The following XPO6 variants were observed in gnomAD, a reference collection of about 807,000 sequenced individuals.
XPO6 encodes exportin 6, also known as exportin-6.
A neutral mutation model predicts 130.0 loss-of-function variants in XPO6; 3 were observed. The ratio of observed to expected loss-of-function variants is 0.02; its 90% confidence interval spans 0.01 to 0.06. XPO6 has a LOEUF of 0.06. XPO6 is among the 10% of genes least tolerant of loss of function. The pLI, the probability that XPO6 is intolerant of heterozygous loss-of-function variation, is 1.00. For missense variants in XPO6, 970 were observed against 1,393.0 expected (o/e 0.70, Z 4.83); for synonymous variants, 524 against 548.9 (o/e 0.95, Z 0.63).
At chr16:28,168,182 G>A (rs1055059508) in intron 5 of XPO6, among the ~76,000 whole-genome samples, 1 of 152,104 alleles carries the variant, frequency 6.6e-6, no homozygotes, top group East Asian at 1.9e-4. Context: ...TTTAGTTGGG[G>A]TGTCAAAAAA....
chr16:28,194,308 C>A (rs541565425), intron 1 of XPO6, among the ~76,000 whole-genome samples: 1 of 152,184 alleles, frequency 6.6e-6, no homozygotes, highest in South Asian at 2.1e-4. Context: ...TGCCAAATGC[C>A]TTTTCACTTT....
Position 28,177,347 on chromosome 16 carries a change from T to C in XPO6, c.95-15A>G, listed in dbSNP as rs764051186. On this transcript the variant is annotated splice_polypyrimidine_tract_variant and intron_variant, in intron 2 of 23. Coordinates refer to ENST00000304658, the MANE Select transcript of XPO6 (RefSeq NM_015171.4). ...AAGAAGCTCCTCTGGAAAAGTTAAA[T>C]GGCAACAAAAGAAAGCTATGAAAAT... The C allele has an allele frequency of 2.9e-5, 44 of 1,537,240 alleles. No homozygotes were observed. Among genetic ancestry groups the C allele is most frequent in the Non-Finnish European group, 3.8e-5 (42 of 1,116,914 alleles).
intron 14 of XPO6, among the ~76,000 whole-genome samples, 175 bp downstream of exon 14, chr16:28,121,495 G>A (rs992870250): frequency 3.3e-5 from 5 of 152,006 alleles, no homozygotes; most frequent in Admixed American, 2.0e-4. Flanking sequence ...TTCTCCAACC[G>A]CCTCTGCCCC....
rs969339366 is a variant in XPO6, at chr16:28,165,890, T to C, written c.643+618A>G. Among the ~76,000 whole-genome samples the C allele has an allele frequency of 1.1e-4, 16 of 152,342 alleles. No homozygotes were observed. In the East Asian group the frequency reaches 1.9e-3, roughly 18 times the overall value. ...TCCTCTTTCCATCCATCCTTGAAAG[T>C]AGTCATCTTTAGAAGAACTACACTC... On this transcript the variant is annotated intron_variant, in intron 6 of 23. Coordinates refer to ENST00000304658, the MANE Select transcript of XPO6 (RefSeq NM_015171.4).
intron 1 of XPO6, among the ~76,000 whole-genome samples, chr16:28,189,875 C>T (rs1429530126): frequency 1.3e-5 from 2 of 152,194 alleles, no homozygotes; most frequent in Admixed American, 1.3e-4. Flanking sequence ...CTAAAACTAC[C>T]ATAAAGTTGA....
intron 6 of XPO6, among the ~76,000 whole-genome samples, chr16:28,164,260 TCTAGAAAACTGATAC>T (rs1252547646): frequency 1.3e-5 from 2 of 152,210 alleles, no homozygotes; most frequent in Non-Finnish European, 2.9e-5. Context: ...ACAAATTTTC[TCTAGAAAACTGATAC>T]GGTCAAGAAA....
intron 21 of XPO6, among the ~76,000 whole-genome samples, chr16:28,103,118 C>T (rs189545256): frequency 3.7e-4 from 57 of 152,308 alleles, no homozygotes; most frequent in African/African-American, 1.2e-3. Context: ...ACAACCAAGA[C>T]AGGACACTTC....
chr16:28,155,945 C>G, intron 7 of XPO6, 129 bp downstream of exon 7: 1 of 1,444,098 alleles, frequency 6.9e-7, no homozygotes, highest in South Asian at 1.5e-5. Context: ...CACACACCTA[C>G]CTTTCTGTTC....
chr16:28,132,407 A>G lies in XPO6; in HGVS notation c.1537-4T>C, dbSNP rs1194520561. 5 of 1,590,586 alleles carry G rather than the reference A, an allele frequency of 3.1e-6. No homozygotes were observed. Among genetic ancestry groups the G allele is most frequent in the Non-Finnish European group, 4.3e-6 (5 of 1,168,940 alleles). ...AATTGTCCTGAAGAACAGGGAACTG[A>G]AAACAAAGAAACAAAAACAACAAAA... On this transcript the variant is annotated splice_region_variant and splice_polypyrimidine_tract_variant and intron_variant, in intron 11 of 23. Transcript: ENST00000304658. The surrounding 1 kb of genome is among the most constrained non-coding windows in gnomAD (Gnocchi z 4.0).
intron 17 of XPO6, among the ~76,000 whole-genome samples, chr16:28,110,297 T>A (rs1005217068): frequency 6.6e-6 from 1 of 152,202 alleles, no homozygotes; most frequent in African/African-American, 2.4e-5. Context: ...GCCCTCTGAG[T>A]TAAGCCAAGG....
chr16:28,160,954 T>C (rs1239531702), intron 6 of XPO6, among the ~76,000 whole-genome samples: 2 of 152,226 alleles, frequency 1.3e-5, no homozygotes, highest in African/African-American at 2.4e-5. Flanking sequence ...ATCTCTTTAG[T>C]GGCTGGTTTA....
At chr16:28,201,052 C>A (rs1208866175) in intron 1 of XPO6, among the ~76,000 whole-genome samples, 1 of 152,058 alleles carries the variant, frequency 6.6e-6, no homozygotes, top group Non-Finnish European at 1.5e-5. Flanking sequence ...TCACCCACTC[C>A]CACTCCTCAT....
chr16:28,207,244 T>A (rs1187188666), intron 1 of XPO6, among the ~76,000 whole-genome samples: 1 of 142,710 alleles, frequency 7.0e-6, no homozygotes, highest in African/African-American at 2.7e-5. Context: ...CAAGATGCCA[T>A]CTCAAAAAAA....
intron 9 of XPO6, 26 bp downstream of exon 9, chr16:28,146,068 T>C: frequency 6.4e-7 from 1 of 1,553,850 alleles, no homozygotes; most frequent in Non-Finnish European, 8.9e-7. Flanking sequence ...TGACCATATC[T>C]AGTTTTCAGT....
At chr16:28,199,248 C>T (rs886861819) in intron 1 of XPO6, among the ~76,000 whole-genome samples, 1 of 152,110 alleles carries the variant, frequency 6.6e-6, no homozygotes, top group Non-Finnish European at 1.5e-5. Flanking sequence ...TGACATGTGC[C>T]CCTAAAATTA....
chr16:28,199,415 C>T (rs2043920102), intron 1 of XPO6, among the ~76,000 whole-genome samples: 1 of 152,068 alleles, frequency 6.6e-6, no homozygotes, highest in Non-Finnish European at 1.5e-5. Context: ...GCTGGGATTA[C>T]AGGTGCCCAC....
chr16:28,134,944 G>A (rs1333834478), intron 10 of XPO6, among the ~76,000 whole-genome samples: 1 of 152,180 alleles, frequency 6.6e-6, no homozygotes, highest in African/African-American at 2.4e-5. Flanking sequence ...AGGATACAGA[G>A]TTCTCACTAA....
At chr16:28,116,769 T>G (rs1392946468) in intron 15 of XPO6, among the ~76,000 whole-genome samples, 1 of 152,148 alleles carries the variant, frequency 6.6e-6, no homozygotes, top group East Asian at 1.9e-4. Flanking sequence ...AATAGTAACA[T>G]TAAAGATCAC....
rs545100693 is a variant in XPO6 at position 28,163,845 on chromosome 16, A to G, written c.643+2663T>C. ...AATTCTAGGGTTCTGGTAGGGGTTC[A>G]TGTCCCCACTCTGCTCACTGGCGAT... On this transcript the variant is annotated intron_variant, in intron 6 of 23. Coordinates refer to ENST00000304658, the MANE Select transcript of XPO6 (RefSeq NM_015171.4). 9.8e-5 allele frequency among the ~76,000 whole-genome samples: 15 copies of G among 152,290 alleles called. No individual in the cohort carries two copies. The South Asian group carries it at 1.0e-3, about 11-fold the overall frequency.
Sources: gnomAD v4.1 joint callset for allele counts (sites outside exome capture counted in the v4.1 genomes callset) on GRCh38, gnomAD v4.1.1 for gene constraint, Gnocchi (gnomAD v3.1) non-coding constraint, MANE v1.5 for transcripts, NCBI Gene and HGNC (gene_info 2026-07-23, HGNC 2026-07-21) for gene names.